Variants in JAK2 observed in about 807,000 individuals in gnomAD.
JAK2 encodes the protein tyrosine-protein kinase JAK2.
In JAK2, 86 loss-of-function variants were observed where a neutral mutation model predicts 139.3. That is an observed-to-expected ratio of 0.62 (90% CI 0.52 to 0.74). The LOEUF is 0.74. JAK2 is among the 30% of genes least tolerant of loss of function. JAK2 has a pLI of 0.00. For missense variants in JAK2, 1,421 were observed against 1,360.3 expected, an observed-to-expected ratio of 1.04 and a Z score of -0.70; for synonymous variants, 490 against 437.7, an observed-to-expected ratio of 1.12 and a Z score of -1.49.
intron 2 of JAK2, among the ~76,000 whole-genome samples, chr9:5,020,648 C>A (rs1822357616): frequency 6.6e-6 from 1 of 152,180 alleles, no homozygotes; most frequent in Admixed American, 6.5e-5. Context: ...TGCATTTTGA[C>A]ACCTAGCGGC....
At chr9:5,125,002 C>A (rs538825930) in intron 23 of JAK2, among the ~76,000 whole-genome samples, 1 of 151,104 alleles carries the variant, frequency 6.6e-6, no homozygotes, top group African/African-American at 2.4e-5. Flanking sequence ...TTTATTAAAT[C>A]CAGTAAGCTA....
intron 3 of JAK2, among the ~76,000 whole-genome samples, chr9:5,026,463 T>C (rs1211443035): frequency 6.6e-6 from 1 of 152,254 alleles, no homozygotes; most frequent in Non-Finnish European, 1.5e-5. Flanking sequence ...AATTAAGAAT[T>C]TAAGTCTTTC....
chr9:5,002,689 AT>A (rs1171231739), intron 2 of JAK2, among the ~76,000 whole-genome samples: 2 of 151,822 alleles, frequency 1.3e-5, no homozygotes, highest in African/African-American at 2.4e-5. Context: ...GATTAAAAAA[AT>A]TTTTTTTGTT....
intron 4 of JAK2, among the ~76,000 whole-genome samples, chr9:5,043,443 A>G (rs1563951599): frequency 1.3e-5 from 2 of 152,258 alleles, no homozygotes; most frequent in Non-Finnish European, 2.9e-5. Flanking sequence ...CAGAAAGACA[A>G]ACAATAACAA....
chr9:5,103,473 G>C (rs1821693731), intron 22 of JAK2, among the ~76,000 whole-genome samples: 1 of 151,936 alleles, frequency 6.6e-6, no homozygotes, highest in South Asian at 2.1e-4. Flanking sequence ...ATAATAATGG[G>C]AGACTTTAAC....
intron 2 of JAK2, among the ~76,000 whole-genome samples, chr9:5,014,871 C>T (rs550775895): frequency 6.6e-6 from 1 of 151,894 alleles, no homozygotes; most frequent in African/African-American, 2.4e-5. Context: ...GTCTATCTTG[C>T]AGAAGTAACC....
intron 2 of JAK2, among the ~76,000 whole-genome samples, chr9:5,019,442 T>C (rs566825402): frequency 2.8e-4 from 42 of 152,298 alleles, no homozygotes; most frequent in Admixed American, 7.8e-4. Context: ...GTTGTTTTTC[T>C]GGTTTCTTTG....
At chr9:5,048,956 G>A (rs1285314879) in intron 5 of JAK2, among the ~76,000 whole-genome samples, 1 of 151,894 alleles carries the variant, frequency 6.6e-6, no homozygotes, top group Non-Finnish European at 1.5e-5. Context: ...TTGTACTTCT[G>A]CTTTCTTTTT....
intron 6 of JAK2, among the ~76,000 whole-genome samples, chr9:5,051,644 A>T (rs181698512): frequency 6.6e-6 from 1 of 152,182 alleles, no homozygotes; most frequent in African/African-American, 2.4e-5. Flanking sequence ...AAAGGTATAT[A>T]TAAGAATGGT....
At chr9:5,085,336 A>G (rs1054861186) in intron 19 of JAK2, 3 of 865,488 alleles carry the variant, frequency 3.5e-6, no homozygotes, top group Non-Finnish European at 5.9e-6. Flanking sequence ...CTGAAAAGCT[A>G]TTCCTACATT....
At chr9:5,020,561 T>G (rs1022670483) in intron 2 of JAK2, among the ~76,000 whole-genome samples, 1 of 151,962 alleles carries the variant, frequency 6.6e-6, no homozygotes, top group Non-Finnish European at 1.5e-5. Context: ...TGTAGGGAGT[T>G]GGCTAAGGAG....
chr9:5,025,826 A>G (rs1031342585), intron 3 of JAK2, among the ~76,000 whole-genome samples: 4 of 152,018 alleles, frequency 2.6e-5, no homozygotes, highest in South Asian at 2.1e-4. Context: ...GCCAGAATCT[A>G]TTTCTTTAAT....
intron 22 of JAK2, chr9:5,114,132 G>C: frequency 2.7e-6 from 1 of 375,780 alleles, no homozygotes; most frequent in Non-Finnish European, 5.3e-6. Context: ...CACCTATCAA[G>C]GTAACACCTT....
chr9:5,111,323 G>C, intron 22 of JAK2: 1 of 445,526 alleles, frequency 2.2e-6, no homozygotes, highest in Admixed American at 2.9e-5. Flanking sequence ...CCGGACCCCT[G>C]TCCCCCTCAG....
chr9:5,095,935 A>G (rs1820952743), intron 22 of JAK2, among the ~76,000 whole-genome samples: 1 of 152,230 alleles, frequency 6.6e-6, no homozygotes, highest in Non-Finnish European at 1.5e-5. Flanking sequence ...AAACAAATTA[A>G]CATGATTAAC....
chr9:4,995,196 A>T (rs1166128451), intron 2 of JAK2, among the ~76,000 whole-genome samples: 6 of 152,146 alleles, frequency 3.9e-5, no homozygotes, highest in Admixed American at 3.9e-4. Context: ...CTTCACTCAT[A>T]TCTTGGCCCA....
At chr9:5,017,880 A>G (rs1055061592) in intron 2 of JAK2, among the ~76,000 whole-genome samples, 2 of 152,180 alleles carry the variant, frequency 1.3e-5, no homozygotes, top group Non-Finnish European at 2.9e-5. Context: ...TTATCATTCT[A>G]GAATTACCTT....
At chr9:5,067,314 A>G (rs913056288) in intron 10 of JAK2, among the ~76,000 whole-genome samples, 3 of 152,168 alleles carry the variant, frequency 2.0e-5, no homozygotes, top group African/African-American at 7.2e-5. Context: ...TAAAACTGCA[A>G]TGAAACCCCA....
intron 19 of JAK2, among the ~76,000 whole-genome samples, chr9:5,086,593 TAAAA>T (rs762204543): frequency 6.6e-6 from 1 of 150,534 alleles, no homozygotes; most frequent in Non-Finnish European, 1.5e-5. Context: ...TTCCAATACT[TAAAA>T]AAAAAATTCC....
Sources: allele counts gnomAD v4.1 joint callset (sites outside exome capture counted in the v4.1 genomes callset), GRCh38; gene constraint gnomAD v4.1.1; transcripts MANE v1.5; gene names NCBI Gene and HGNC (gene_info 2026-07-23, HGNC 2026-07-21).